PTCD3: variants seen among roughly 807,000 people sequenced by gnomAD.
The protein encoded by PTCD3 is small ribosomal subunit protein mS39.
A neutral mutation model predicts 101.9 loss-of-function variants in PTCD3; 89 were observed. That is an observed-to-expected ratio of 0.87 (90% CI 0.74 to 1.04). The LOEUF (loss-of-function observed/expected upper bound fraction) is 1.04. PTCD3 is among the 50% of genes least tolerant of loss of function. The pLI is 0.00. For missense variants in PTCD3, 870 were observed against 828.2 expected (o/e 1.05, Z -0.62); for synonymous variants, 296 against 278.5 (o/e 1.06, Z -0.63).
intron 21 of PTCD3, chr2:86,135,981 G>C: frequency 1.9e-6 from 1 of 519,206 alleles, no homozygotes; most frequent in South Asian, 1.4e-5. Flanking sequence ...GCACTTACAT[G>C]AGACTGTTGC....
At chr2:86,136,587 T>G in intron 22 of PTCD3, 25 bp downstream of exon 22, 2 of 1,603,690 alleles carry the variant, frequency 1.2e-6, no homozygotes, top group Non-Finnish European at 1.7e-6. Flanking sequence ...GCCAGCTCTC[T>G]TTGGGTACAG....
chr2:86,113,590 G>A (rs932648393), intron 4 of PTCD3, among the ~76,000 whole-genome samples: 8 of 152,132 alleles, frequency 5.3e-5, no homozygotes, highest in Non-Finnish European at 7.3e-5. Flanking sequence ...TGGATCCTGT[G>A]AGCTCGGGAC....
intron 4 of PTCD3, among the ~76,000 whole-genome samples, chr2:86,114,424 A>T (rs1028517531): frequency 6.6e-6 from 1 of 152,066 alleles, no homozygotes; most frequent in South Asian, 2.1e-4. Flanking sequence ...AGTAGCTGGG[A>T]CTACAGGCGC....
intron 3 of PTCD3, among the ~76,000 whole-genome samples, chr2:86,110,004 A>C (rs1160322609): frequency 6.6e-6 from 1 of 152,216 alleles, no homozygotes; most frequent in Non-Finnish European, 1.5e-5. Context: ...ACAAGATGAC[A>C]CCAGACACTT....
intron 4 of PTCD3, among the ~76,000 whole-genome samples, chr2:86,113,485 A>C (rs1489147397): frequency 2.0e-5 from 3 of 152,154 alleles, no homozygotes; most frequent in African/African-American, 7.2e-5. Context: ...TTGTTCTTCT[A>C]TTGTGGATAT....
intron 4 of PTCD3, among the ~76,000 whole-genome samples, chr2:86,111,524 C>T (rs1205669020): frequency 6.6e-6 from 1 of 151,646 alleles, no homozygotes; most frequent in Non-Finnish European, 1.5e-5. Flanking sequence ...GGAGGCAGAG[C>T]TTGCAGTGAG....
At position 86,106,236 on chromosome 2, in the gene PTCD3, G is replaced by C; in HGVS notation, c.-12G>C. 6.2e-7 allele frequency: 1 copy of C among 1,613,712 alleles called. No individual in the cohort carries two copies. The highest frequency in any genetic ancestry group is 8.5e-7 in the Non-Finnish European group (1 of 1,179,790). On this transcript the variant is annotated 5_prime_UTR_variant, in exon 1 of 24. Transcript: ENST00000254630. The stretch of plus-strand genomic sequence containing the variant: ...GCACGCTTTCCCAACATGCTCTGCA[G>C]AGAAATCAAAGATGGCGGTTGTATC...
At chr2:86,134,681 C>T (rs1674551274) in intron 20 of PTCD3, among the ~76,000 whole-genome samples, 158 bp from the exon 21 acceptor site, 1 of 152,166 alleles carries the variant, frequency 6.6e-6, no homozygotes, top group Admixed American at 6.5e-5. Flanking sequence ...ATACTTAGGA[C>T]AGGGTCCTTT....
intron 17 of PTCD3, 133 bp downstream of exon 17, chr2:86,132,557 G>A: frequency 3.6e-6 from 2 of 558,436 alleles, no homozygotes; most frequent in Non-Finnish European, 6.3e-6. Flanking sequence ...TGTTAATTGA[G>A]CACTTAGGAA....
chr2:86,123,439 G>C (rs1056880355), intron 8 of PTCD3, among the ~76,000 whole-genome samples: 2 of 152,126 alleles, frequency 1.3e-5, no homozygotes, highest in South Asian at 4.1e-4. Flanking sequence ...CTGAGGACCA[G>C]GCCATACAGG....
intron 20 of PTCD3, 96 bp downstream of exon 20, chr2:86,134,473 C>A: frequency 1.0e-6 from 1 of 969,168 alleles, no homozygotes; most frequent in South Asian, 1.5e-5. Context: ...GAGAGTTCTG[C>A]TACCCAAACC....
In PTCD3 at chr2:86,121,509, G is replaced by A; in HGVS notation, c.569G>A (p.Ser190Asn). 6.2e-7 allele frequency: 1 copy of A among 1,606,768 alleles called. No homozygotes were observed. The highest frequency in any genetic ancestry group is 8.5e-7 in the Non-Finnish European group (1 of 1,177,196). ...ACTGTGTCTCTTGAAACAACAAATAGTCTCTTGGATTTATTGTGTTACTAT... is the reference window on the plus strand; with the variant it reads ...ACTGTGTCTCTTGAAACAACAAATAATCTCTTGGATTTATTGTGTTACTAT... ...GTTVSLETTN[S>N]LLDLLCYYGD... The change falls in exon 8 of 24, where the codon AGT (serine) becomes AAT (asparagine). Residue 190 changes from serine (S) to asparagine (N), a missense_variant. Transcript: ENST00000254630.
intron 14 of PTCD3, among the ~76,000 whole-genome samples, chr2:86,129,550 G>A (rs1397485994): frequency 6.6e-6 from 1 of 152,260 alleles, no homozygotes; most frequent in African/African-American, 2.4e-5. Flanking sequence ...TGTGAGGCAG[G>A]AGGATTGCTT....
chr2:86,134,709 T>C, intron 20 of PTCD3, 130 bp from the exon 21 acceptor site: 1 of 1,034,404 alleles, frequency 9.7e-7, no homozygotes. Context: ...AAATTACTTG[T>C]GTGCTATACA....
intron 8 of PTCD3, among the ~76,000 whole-genome samples, chr2:86,123,384 G>C (rs1674329709): frequency 6.6e-6 from 1 of 152,142 alleles, no homozygotes; most frequent in African/African-American, 2.4e-5. Flanking sequence ...GCCAGATGTA[G>C]TCTCTGAGCA....
At chr2:86,136,821 T>G in intron 22 of PTCD3, 161 bp from the exon 23 acceptor site, 1 of 1,017,332 alleles carries the variant, frequency 9.8e-7, no homozygotes, top group African/African-American at 1.6e-5. Context: ...CCCTTTAGAC[T>G]TTCTAACCTC....
rs373670628 is a variant in PTCD3 at position 86,133,406 on chromosome 2, C to T, written c.1513C>T (p.Arg505Trp). The change falls in exon 19 of 24, where the codon CGG becomes TGG. Residue 505 changes from arginine (R) to tryptophan (W), a missense_variant. Transcript: ENST00000254630. ...TCTCCAAGCATTGGATGTGGCCAAT[C>T]GGCTAGAAGTGATTCCTAAAATTTG... is the stretch of plus-strand genomic sequence containing the variant. ...HLLQALDVAN[R>W]LEVIPKIWKD... 14 of 1,613,944 alleles carry T rather than the reference C, an allele frequency of 8.7e-6. No individual in the cohort carries two copies. The highest frequency in any genetic ancestry group is 8.0e-5 in the African/African-American group (6 of 74,928).
rs765775776 is a variant in PTCD3, at chr2:86,108,502, A to G, written c.160A>G (p.Ile54Val). ...SKVEGTDVTG[I>V]EEVVIPKKKT... ...TCATGTTTTCTTTTTTACATTAGGGATTGAAGAAGTAGTAATTCCAAAAAA... is the reference window on the plus strand; with the variant it reads ...TCATGTTTTCTTTTTTACATTAGGGGTTGAAGAAGTAGTAATTCCAAAAAA... Residue 54 changes from isoleucine (I) to valine (V), a missense_variant and splice_region_variant, in exon 3 of 24, where the codon ATT becomes GTT. Transcript: ENST00000254630. 1.6e-5 allele frequency: 26 copies of G among 1,596,100 alleles called. No individual in the cohort carries two copies. Among genetic ancestry groups the G allele is most frequent in the Non-Finnish European group, 2.2e-5 (26 of 1,175,304 alleles).
Position 86,137,049 on chromosome 2 carries a change from G to A in PTCD3, c.1888G>A (p.Val630Ile), listed in dbSNP as rs778783083. 6 of 1,613,848 alleles carry A rather than the reference G, an allele frequency of 3.7e-6. No individual in the cohort carries two copies. The highest frequency in any genetic ancestry group is 1.1e-5 in the South Asian group (1 of 91,000). ...VSNSPSQAIEVVELASAFSLP... is the reference protein window; with the variant it reads ...VSNSPSQAIEIVELASAFSLP... ...TAACAGCCCTTCCCAGGCCATTGAA[G>A]TAGTAGAGCTGGCAAGTGCCTTCAG... Residue 630 changes from valine (V) to isoleucine (I), a missense_variant, in exon 23 of 24, where the codon GTA becomes ATA. Coordinates refer to ENST00000254630, the MANE Select transcript of PTCD3 (RefSeq NM_017952.6).
Sources: gnomAD v4.1 joint callset for allele counts (sites outside exome capture counted in the v4.1 genomes callset) on GRCh38, gnomAD v4.1.1 for gene constraint, MANE v1.5 for transcripts, NCBI Gene and HGNC (gene_info 2026-07-23, HGNC 2026-07-21) for gene names.